The following GRIK2 variants were observed in gnomAD, a reference collection of about 807,000 sequenced individuals.
The protein encoded by GRIK2 is glutamate receptor ionotropic, kainate 2.
In GRIK2, 32 loss-of-function variants were observed where a neutral mutation model predicts 100.3. That is an observed-to-expected ratio of 0.32 (90% CI 0.24 to 0.43). The LOEUF (loss-of-function observed/expected upper bound fraction) is 0.43. Ranked by LOEUF, GRIK2 falls within the 20% of genes least tolerant of loss-of-function variation. GRIK2 has a pLI of 1.00. For missense variants in GRIK2, 843 were observed against 1,114.9 expected (o/e 0.76, Z 3.47); for synonymous variants, 417 against 389.4 (o/e 1.07, Z -0.83).
rs114527137 is a variant in GRIK2, at chr6:102,062,447, G to A, written c.2563-5900G>A. 2.6e-3 allele frequency among the ~76,000 whole-genome samples: 393 copies of A among 150,466 alleles called. 1 individual carries two copies. The highest frequency in any genetic ancestry group is 9.0e-3 in the African/African-American group (372 of 41,346). On this transcript the variant is annotated intron_variant, in intron 16 of 16. Transcript: ENST00000369134. ...AATAGAGTTCCTGTCTTAGCTCTGAGACTAGTTAGATATATAACTTGACTT... is the reference window on the plus strand; with the variant it reads ...AATAGAGTTCCTGTCTTAGCTCTGAAACTAGTTAGATATATAACTTGACTT...
At chr6:102,031,347 G>A (rs1350092207) in intron 14 of GRIK2, among the ~76,000 whole-genome samples, 2 of 151,156 alleles carry the variant, frequency 1.3e-5, no homozygotes, top group South Asian at 2.1e-4. Context: ...GGCATATTTT[G>A]TTCTTGCATG....
chr6:101,845,140 C>T (rs1204300607), intron 10 of GRIK2, among the ~76,000 whole-genome samples: 1 of 152,086 alleles, frequency 6.6e-6, no homozygotes, highest in Non-Finnish European at 1.5e-5. Flanking sequence ...CCACTTCAGC[C>T]TCCCAAGTAG....
rs10485272 is a variant in GRIK2, at chr6:101,591,482, C to T, written c.116-30467C>T. ...TTCCAATGAAATATTAAACTATGAACCTTTGTGGAATTTTATACTTCTTTA... is the reference window on the plus strand; with the variant it reads ...TTCCAATGAAATATTAAACTATGAATCTTTGTGGAATTTTATACTTCTTTA... On this transcript the variant is annotated intron_variant, in intron 2 of 16. Coordinates refer to ENST00000369134, the MANE Select transcript of GRIK2 (RefSeq NM_021956.5). Among the ~76,000 whole-genome samples the T allele has an allele frequency of 4.0e-3, 607 of 151,886 alleles. 19 individuals are homozygous for T. Among genetic ancestry groups the T allele is most frequent in the East Asian group, 0.027 (141 of 5,146 alleles).
intron 2 of GRIK2, among the ~76,000 whole-genome samples, chr6:101,456,028 T>G (rs1316227712): frequency 1.3e-5 from 2 of 151,656 alleles, no homozygotes; most frequent in African/African-American, 4.8e-5. Flanking sequence ...ATGAACTTGA[T>G]CTGGAACACA....
At chr6:101,691,593 C>T (rs890735484) in intron 7 of GRIK2, among the ~76,000 whole-genome samples, 7 of 152,042 alleles carry the variant, frequency 4.6e-5, no homozygotes, top group South Asian at 4.1e-4. Flanking sequence ...TGAGCCACTG[C>T]GCTCGGCCAT....
intron 16 of GRIK2, among the ~76,000 whole-genome samples, chr6:102,064,600 T>C (rs1771925181): frequency 6.6e-6 from 1 of 151,070 alleles, no homozygotes; most frequent in African/African-American, 2.4e-5. Context: ...TTTCAATCAT[T>C]ATATAAAGTA....
chr6:101,986,586 G>A (rs771491410), intron 14 of GRIK2, among the ~76,000 whole-genome samples: 25 of 151,826 alleles, frequency 1.6e-4, no homozygotes, highest in Non-Finnish European at 3.5e-4. Context: ...TTTTCTATTA[G>A]GTATGGTTGA....
intron 11 of GRIK2, among the ~76,000 whole-genome samples, chr6:101,871,980 C>G (rs1207665086): frequency 3.9e-5 from 6 of 151,974 alleles, no homozygotes; most frequent in Admixed American, 3.9e-4. Flanking sequence ...GACTAACTGA[C>G]ATTCCCACCA....
intron 2 of GRIK2, among the ~76,000 whole-genome samples, chr6:101,574,105 A>G (rs1317012107): frequency 6.6e-6 from 1 of 151,304 alleles, no homozygotes; most frequent in Non-Finnish European, 1.5e-5. Context: ...TTATATATAA[A>G]AATATTTCAT....
At chr6:101,962,912 T>C (rs966310375) in intron 14 of GRIK2, among the ~76,000 whole-genome samples, 1 of 152,056 alleles carries the variant, frequency 6.6e-6, no homozygotes, top group East Asian at 1.9e-4. Context: ...TCTTTTGCTA[T>C]CTTTATTTTT....
chr6:101,484,384 A>T (rs1222836201), intron 2 of GRIK2, among the ~76,000 whole-genome samples: 1 of 152,206 alleles, frequency 6.6e-6, no homozygotes. Context: ...CCTGAATATT[A>T]CTACTTTAGC....
chr6:101,648,829 G>C (rs1781651510), intron 4 of GRIK2, among the ~76,000 whole-genome samples: 1 of 152,062 alleles, frequency 6.6e-6, no homozygotes, highest in African/African-American at 2.4e-5. Flanking sequence ...AAAGGAAAGA[G>C]GTTTAATGGA....
At chr6:101,423,430 C>G (rs10214828) in intron 2 of GRIK2, among the ~76,000 whole-genome samples, 1 of 152,082 alleles carries the variant, frequency 6.6e-6, no homozygotes, top group African/African-American at 2.4e-5. Context: ...TACGAGTGTT[C>G]CAATTTTCCA....
intron 14 of GRIK2, among the ~76,000 whole-genome samples, chr6:102,022,501 C>T (rs1769480667): frequency 6.6e-6 from 1 of 151,500 alleles, no homozygotes. Context: ...CATTCCAGCC[C>T]GTGTGGCAGA....
chr6:101,406,405 A>G (rs751764759), intron 2 of GRIK2, among the ~76,000 whole-genome samples: 1 of 152,164 alleles, frequency 6.6e-6, no homozygotes, highest in African/African-American at 2.4e-5. Context: ...ACTAGACAGC[A>G]GGGCCATTTG....
At chr6:101,699,568 G>T (rs1772737237) in intron 7 of GRIK2, among the ~76,000 whole-genome samples, 1 of 152,016 alleles carries the variant, frequency 6.6e-6, no homozygotes, top group Non-Finnish European at 1.5e-5. Flanking sequence ...GTCCCTCAAA[G>T]GTACCCTGGA....
chr6:102,068,218 T>C (rs1018096257), intron 16 of GRIK2, 129 bp from the exon 17 acceptor site: 8 of 633,418 alleles, frequency 1.3e-5, no homozygotes, highest in Admixed American at 6.4e-5. Context: ...TTATAACTTT[T>C]ACAATGAAAA....
In GRIK2 at chr6:101,660,468, C is replaced by T. The variant is rs150018301; in HGVS notation, c.542-16155C>T. Among the ~76,000 whole-genome samples, 127 of 152,244 alleles carry T rather than the reference C, an allele frequency of 8.3e-4. 1 individual carries two copies. Among genetic ancestry groups the T allele is most frequent in the African/African-American group, 2.9e-3 (119 of 41,540 alleles). ...GTTATTACCCACCTTCTGAAGCCTA[C>T]TTCTGTCAATTCATCAAACTCATTC... On this transcript the variant is annotated intron_variant, in intron 4 of 16. Coordinates refer to ENST00000369134, the MANE Select transcript of GRIK2 (RefSeq NM_021956.5).
At chr6:101,502,349 AT>A (rs1384087227) in intron 2 of GRIK2, among the ~76,000 whole-genome samples, 1 of 152,146 alleles carries the variant, frequency 6.6e-6, no homozygotes, top group African/African-American at 2.4e-5. Context: ...AAAGATGTTC[AT>A]TTGAGCATTA....
Sources: allele counts gnomAD v4.1 joint callset (sites outside exome capture counted in the v4.1 genomes callset), GRCh38; gene constraint gnomAD v4.1.1; transcripts MANE v1.5; gene names NCBI Gene and HGNC (gene_info 2026-07-23, HGNC 2026-07-21).